PTPRT: variants seen among roughly 807,000 people sequenced by gnomAD.
PTPRT encodes receptor-type tyrosine-protein phosphatase T.
A neutral mutation model predicts 176.8 loss-of-function variants in PTPRT; 56 were observed. The observed-to-expected ratio is 0.32, with a 90% confidence interval of 0.26 to 0.40. The LOEUF (loss-of-function observed/expected upper bound fraction) is 0.40, where lower values mean the gene tolerates loss of function less well. PTPRT is among the 10% of genes least tolerant of loss of function. The pLI, the probability that PTPRT is intolerant of heterozygous loss-of-function variation, is 1.00. For missense variants in PTPRT, 1,540 were observed against 1,908.2 expected, an observed-to-expected ratio of 0.81 and a Z score of 3.60; for synonymous variants, 783 against 739.0, an observed-to-expected ratio of 1.06 and a Z score of -0.96.
chr20:42,200,740 CT>C (rs1366532146), intron 15 of PTPRT, among the ~76,000 whole-genome samples: 2 of 152,124 alleles, frequency 1.3e-5, no homozygotes, highest in African/African-American at 4.8e-5. Context: ...CGAAATATAG[CT>C]GTTATAGTCT....
intron 6 of PTPRT, among the ~76,000 whole-genome samples, chr20:42,729,284 G>A (rs139650003): frequency 3.9e-5 from 6 of 152,194 alleles, no homozygotes; most frequent in South Asian, 4.1e-4. Context: ...TCGGTCTAGC[G>A]GATGCTATTA....
At chr20:42,297,755 T>A (rs1393485119) in intron 12 of PTPRT, among the ~76,000 whole-genome samples, 1 of 152,152 alleles carries the variant, frequency 6.6e-6, no homozygotes, top group Non-Finnish European at 1.5e-5. Context: ...AAGCAGCATC[T>A]CAAATTATCG....
At chr20:42,331,263 C>T (rs1445708304) in intron 11 of PTPRT, among the ~76,000 whole-genome samples, 1 of 152,132 alleles carries the variant, frequency 6.6e-6, no homozygotes, top group East Asian at 1.9e-4. Context: ...GGGGATTCAG[C>T]TCCTAACTTG....
At chr20:42,380,025 T>C (rs1236555975) in intron 9 of PTPRT, among the ~76,000 whole-genome samples, 1 of 152,166 alleles carries the variant, frequency 6.6e-6, no homozygotes, top group African/African-American at 2.4e-5. Flanking sequence ...AATCTCTGGC[T>C]CCCATGAGTT....
At chr20:42,725,009 TTG>T (rs147376328) in intron 6 of PTPRT, among the ~76,000 whole-genome samples, 35,365 of 133,556 alleles carry the variant, frequency 0.26, 4,283 homozygotes, top group Middle Eastern at 0.29. Context: ...TGGACATCTT[TTG>T]TGTGTGTGTG....
intron 1 of PTPRT, among the ~76,000 whole-genome samples, chr20:43,135,236 T>G (rs1426207302): frequency 1.3e-5 from 2 of 152,102 alleles, no homozygotes; most frequent in African/African-American, 2.4e-5. Context: ...GGGTTCAGAG[T>G]GTACCTGGGT....
At position 43,154,199 on chromosome 20, in the gene PTPRT, C is replaced by T. The variant is rs1043391574; in HGVS notation, c.88+35447G>A. ...TCCATTTTCAGTTGATTTTTGTACACGGTGAGAGATAAGGATCTAATTTCA... is the reference window on the plus strand; with the variant it reads ...TCCATTTTCAGTTGATTTTTGTACATGGTGAGAGATAAGGATCTAATTTCA... On this transcript the variant is annotated intron_variant, in intron 1 of 30. Coordinates refer to ENST00000373187, the MANE Select transcript of PTPRT (RefSeq NM_007050.6). Among the ~76,000 whole-genome samples, 10 of 152,150 alleles carry T rather than the reference C, an allele frequency of 6.6e-5. No homozygotes were observed. The South Asian group carries it at 8.3e-4, about 13-fold the overall frequency.
At chr20:42,180,074 C>T (rs1454074345) in intron 16 of PTPRT, among the ~76,000 whole-genome samples, 2 of 152,180 alleles carry the variant, frequency 1.3e-5, no homozygotes, top group African/African-American at 2.4e-5. Context: ...GAGTTTTCTC[C>T]TTACCCCAGA....
At chr20:42,968,707 T>C (rs1167112338) in intron 1 of PTPRT, 1 of 152,212 alleles carries the variant, frequency 6.6e-6, no homozygotes, top group Admixed American at 6.5e-5. Context: ...TGAGTTACTA[T>C]TAGCTCAATG....
chr20:42,521,175 C>A (rs915390010), intron 7 of PTPRT, among the ~76,000 whole-genome samples: 1 of 152,032 alleles, frequency 6.6e-6, no homozygotes, highest in East Asian at 1.9e-4. Flanking sequence ...GATTCCAGTT[C>A]AACAAATTTC....
chr20:42,323,423 T>C (rs1380306241), intron 11 of PTPRT, among the ~76,000 whole-genome samples: 2 of 152,118 alleles, frequency 1.3e-5, no homozygotes, highest in Non-Finnish European at 2.9e-5. Context: ...TGGAATACTA[T>C]GCAGCCATAA....
At chr20:42,101,450 C>T (rs550001577) in intron 26 of PTPRT, among the ~76,000 whole-genome samples, 7 of 152,104 alleles carry the variant, frequency 4.6e-5, no homozygotes, top group Admixed American at 1.3e-4. Context: ...ATCCGAAAAA[C>T]GCAGGGGAGA....
chr20:42,189,499 G>A (rs1016570558), intron 16 of PTPRT, among the ~76,000 whole-genome samples: 3 of 152,034 alleles, frequency 2.0e-5, no homozygotes, highest in East Asian at 1.9e-4. Flanking sequence ...GCATAGAGTC[G>A]GCATTCATTG....
chr20:42,678,280 C>T, intron 6 of PTPRT, 121 bp from the exon 7 acceptor site: 1 of 896,794 alleles, frequency 1.1e-6, no homozygotes, highest in Non-Finnish European at 1.6e-6. Flanking sequence ...GTCAGAAACC[C>T]CTTTTTGTTT....
intron 7 of PTPRT, among the ~76,000 whole-genome samples, chr20:42,540,129 C>T (rs6102895): frequency 0.12 from 18,011 of 152,126 alleles, 1,156 homozygotes; most frequent in African/African-American, 0.16. Flanking sequence ...AATGATGAGA[C>T]ACTGATCATG....
At chr20:42,190,472 G>C (rs946067565) in intron 16 of PTPRT, among the ~76,000 whole-genome samples, 3 of 152,154 alleles carry the variant, frequency 2.0e-5, no homozygotes, top group Non-Finnish European at 4.4e-5. Context: ...AGGTGAGCTA[G>C]AGCCTTCCTC....
chr20:43,142,371 T>C (rs1568809306), intron 1 of PTPRT, among the ~76,000 whole-genome samples: 2 of 152,224 alleles, frequency 1.3e-5, no homozygotes, highest in African/African-American at 4.8e-5. Flanking sequence ...AAGTTGAAGA[T>C]GGCAGAACTG....
chr20:42,664,573 G>GT (rs1464758615), intron 7 of PTPRT, among the ~76,000 whole-genome samples: 1 of 151,936 alleles, frequency 6.6e-6, no homozygotes, highest in African/African-American at 2.4e-5. Context: ...TTTTTACAAA[G>GT]TATCTTACCA....
chr20:42,579,681 T>C (rs887797955), intron 7 of PTPRT, among the ~76,000 whole-genome samples: 3 of 152,224 alleles, frequency 2.0e-5, no homozygotes, highest in African/African-American at 7.2e-5. Flanking sequence ...ATTTTTTTCA[T>C]GTCTTTTGGC....
Sources: allele counts gnomAD v4.1 joint callset (sites outside exome capture counted in the v4.1 genomes callset), GRCh38; gene constraint gnomAD v4.1.1; transcripts MANE v1.5; gene names NCBI Gene and HGNC (gene_info 2026-07-23, HGNC 2026-07-21).